Variants in UTRN observed in about 807,000 individuals in gnomAD.
The protein encoded by UTRN is dystrophin-related protein 1.
A neutral mutation model predicts 463.9 loss-of-function variants in UTRN; 283 were observed. That is an observed-to-expected ratio of 0.61 (90% CI 0.55 to 0.67). UTRN has a LOEUF of 0.67. Ranked by LOEUF, UTRN falls within the 30% of genes least tolerant of loss-of-function variation. The pLI is 0.00. For synonymous variants in UTRN, 1,442 were observed against 1,431.5 expected (o/e 1.01, Z -0.17); for missense variants, 3,922 against 4,084.3 (o/e 0.96, Z 1.08).
intron 10 of UTRN, among the ~76,000 whole-genome samples, chr6:144,436,438 C>T (rs1035844346): frequency 1.3e-5 from 2 of 152,100 alleles, no homozygotes; most frequent in African/African-American, 4.8e-5. Context: ...CAAAAGCAAA[C>T]GAGTGAACCA....
At chr6:144,477,333 A>G (rs971471855) in intron 25 of UTRN, among the ~76,000 whole-genome samples, 47 of 152,310 alleles carry the variant, frequency 3.1e-4, no homozygotes, top group African/African-American at 1.1e-3. Context: ...CTTTTGGCTA[A>G]TGTTTGTATC....
intron 51 of UTRN, among the ~76,000 whole-genome samples, chr6:144,671,837 T>C (rs756666845): frequency 1.3e-5 from 2 of 152,152 alleles, no homozygotes; most frequent in Non-Finnish European, 2.9e-5. Context: ...GTCTCGTCTA[T>C]GCCAATTTTG....
intron 52 of UTRN, among the ~76,000 whole-genome samples, chr6:144,690,567 A>G (rs988137385): frequency 2.0e-5 from 3 of 152,096 alleles, no homozygotes; most frequent in African/African-American, 7.2e-5. Flanking sequence ...TCAAGTTTAT[A>G]TCATGAATTT....
At chr6:144,836,171 T>C in intron 70 of UTRN, 130 bp from the exon 71 acceptor site, 5 of 1,421,484 alleles carry the variant, frequency 3.5e-6, no homozygotes, top group Non-Finnish European at 4.6e-6. Context: ...TCCTGCATGC[T>C]CATCCTGCTA....
At chr6:144,495,922 T>G (rs1793601156) in intron 33 of UTRN, among the ~76,000 whole-genome samples, 1 of 152,110 alleles carries the variant, frequency 6.6e-6, no homozygotes, top group African/African-American at 2.4e-5. Context: ...AAACTCAAGT[T>G]GTTGGTCCTT....
intron 2 of UTRN, among the ~76,000 whole-genome samples, chr6:144,387,418 C>T (rs1304450334): frequency 1.3e-5 from 2 of 152,160 alleles, no homozygotes; most frequent in Non-Finnish European, 2.9e-5. Flanking sequence ...AGATTACAGG[C>T]ATGAGCCACC....
chr6:144,565,730 G>A (rs1293776983), intron 50 of UTRN, among the ~76,000 whole-genome samples: 1 of 152,164 alleles, frequency 6.6e-6, no homozygotes, highest in Non-Finnish European at 1.5e-5. Flanking sequence ...TAATTCCACA[G>A]CTTGGACATT....
chr6:144,343,363 A>AAC (rs3061626), intron 2 of UTRN, among the ~76,000 whole-genome samples: 9,407 of 135,272 alleles, frequency 0.07, 410 homozygotes, highest in Admixed American at 0.11. Flanking sequence ...GTCTCTACTA[A>AAC]ACACACACAC....
intron 39 of UTRN, 35 bp downstream of exon 39, chr6:144,516,983 T>C (rs200935242): frequency 5.3e-5 from 74 of 1,399,546 alleles, no homozygotes; most frequent in Non-Finnish European, 6.8e-5. Flanking sequence ...TGCATTTAAA[T>C]ACCTTACTTA....
At chr6:144,633,554 A>G (rs1776775088) in intron 51 of UTRN, among the ~76,000 whole-genome samples, 1 of 152,204 alleles carries the variant, frequency 6.6e-6, no homozygotes, top group Non-Finnish European at 1.5e-5. Flanking sequence ...TTGTTCACAA[A>G]ATATTTTTTC....
At chr6:144,822,639 G>C (rs1444520696) in intron 66 of UTRN, among the ~76,000 whole-genome samples, 2 of 152,056 alleles carry the variant, frequency 1.3e-5, no homozygotes, top group African/African-American at 4.8e-5. Flanking sequence ...GTAGACTTTT[G>C]GTCCTCTTTT....
chr6:144,730,848 A>G (rs1359125128), intron 54 of UTRN, among the ~76,000 whole-genome samples: 2 of 151,448 alleles, frequency 1.3e-5, no homozygotes, highest in Admixed American at 1.3e-4. Flanking sequence ...AAAATATAAT[A>G]AATATACAAA....
chr6:144,744,604 T>TAC (rs554895139), intron 54 of UTRN, among the ~76,000 whole-genome samples: 1,585 of 103,184 alleles, frequency 0.015, 15 homozygotes, highest in African/African-American at 0.021. Context: ...TGACAGGGCA[T>TAC]ACACACACAC....
intron 2 of UTRN, among the ~76,000 whole-genome samples, chr6:144,317,975 C>G (rs532940670): frequency 1.3e-3 from 203 of 152,188 alleles, no homozygotes; most frequent in Non-Finnish European, 2.4e-3. Flanking sequence ...TTTCTTTTGA[C>G]AAACCTCACG....
chr6:144,602,369 C>A (rs1348661891), intron 51 of UTRN, among the ~76,000 whole-genome samples: 1 of 151,846 alleles, frequency 6.6e-6, no homozygotes, highest in African/African-American at 2.4e-5. Context: ...AAACTCCTGA[C>A]ATCATGTGAT....
At chr6:144,403,516 A>T (rs1031736490) in intron 3 of UTRN, among the ~76,000 whole-genome samples, 2 of 152,140 alleles carry the variant, frequency 1.3e-5, no homozygotes, top group Admixed American at 1.3e-4. Context: ...GGTTAAGAGG[A>T]TGATGATTTC....
At chr6:144,414,933 C>G (rs1046491450) in intron 3 of UTRN, among the ~76,000 whole-genome samples, 1 of 152,150 alleles carries the variant, frequency 6.6e-6, no homozygotes, top group East Asian at 1.9e-4. Flanking sequence ...AGGATGGTCT[C>G]CAACTCCCAA....
intron 54 of UTRN, among the ~76,000 whole-genome samples, chr6:144,732,803 C>G (rs1409577385): frequency 6.6e-6 from 1 of 151,968 alleles, no homozygotes; most frequent in Non-Finnish European, 1.5e-5. Flanking sequence ...CATCAACGTC[C>G]CAGGATCAAG....
intron 3 of UTRN, among the ~76,000 whole-genome samples, chr6:144,417,291 G>GTCT (rs556202614): frequency 5.3e-4 from 81 of 152,198 alleles, no homozygotes; most frequent in African/African-American, 1.9e-3. Flanking sequence ...CTAGTCCTGT[G>GTCT]TCTTCATAAT....
Sources: gnomAD v4.1 joint callset for allele counts (sites outside exome capture counted in the v4.1 genomes callset) on GRCh38, gnomAD v4.1.1 for gene constraint, MANE v1.5 for transcripts, NCBI Gene and HGNC (gene_info 2026-07-23, HGNC 2026-07-21) for gene names.